The following GPHN variants were observed in gnomAD, a reference collection of about 807,000 sequenced individuals.
The protein encoded by GPHN is gephyrin.
A neutral mutation model predicts 95.5 loss-of-function variants in GPHN; 17 were observed. The ratio of observed to expected loss-of-function variants is 0.18; its 90% CI spans 0.12 to 0.27. The LOEUF (loss-of-function observed/expected upper bound fraction) is 0.27, where lower values mean the gene tolerates loss of function less well. Ranked by LOEUF, GPHN falls within the 10% of genes least tolerant of loss-of-function variation. GPHN has a pLI of 1.00. For synonymous variants in GPHN, 320 were observed against 322.5 expected (o/e 0.99, Z 0.08); for missense variants, 660 against 978.1 (o/e 0.67, Z 4.34).
chr14:66,546,348 T>C (rs546377411), intron 1 of GPHN, among the ~76,000 whole-genome samples: 76 of 151,922 alleles, frequency 5.0e-4, no homozygotes, highest in Non-Finnish European at 8.7e-4. Context: ...GCAGAGAGGC[T>C]CCTCACTTCC....
chr14:67,714,149 C>T, the GPHN span, among the ~76,000 whole-genome samples: 1 of 152,068 alleles, frequency 6.6e-6, no homozygotes, highest in Non-Finnish European at 1.5e-5. Flanking sequence ...TCTTGCTTTA[C>T]TTTTGAGACA....
the GPHN span, among the ~76,000 whole-genome samples, chr14:67,259,743 A>G: frequency 1.3e-5 from 2 of 152,032 alleles, no homozygotes; most frequent in African/African-American, 4.8e-5. Flanking sequence ...GACTCCATCT[A>G]TACAAAAAAT....
At chr14:67,500,735 C>A in the GPHN span, among the ~76,000 whole-genome samples, 1 of 151,716 alleles carries the variant, frequency 6.6e-6, no homozygotes, top group South Asian at 2.1e-4. Context: ...CCACGCCCGG[C>A]TAATTTTTTG....
chr14:67,695,094 CCAAA>C, the GPHN span, among the ~76,000 whole-genome samples: 3 of 152,184 alleles, frequency 2.0e-5, no homozygotes. Flanking sequence ...GAGCTCATAA[CCAAA>C]CACTCTTCCT....
chr14:67,547,697 ACCTG>A, the GPHN span, among the ~76,000 whole-genome samples: 6 of 152,258 alleles, frequency 3.9e-5, no homozygotes, highest in South Asian at 1.2e-3. Context: ...TTAGGATCAG[ACCTG>A]CCTGTGGGCT....
chr14:67,620,704 G>T, the GPHN span, among the ~76,000 whole-genome samples: 1 of 152,112 alleles, frequency 6.6e-6, no homozygotes, highest in Admixed American at 6.5e-5. Flanking sequence ...TCCTAACCTG[G>T]CTCAGCCTCT....
the GPHN span, among the ~76,000 whole-genome samples, chr14:67,388,524 A>G: frequency 6.6e-6 from 1 of 152,198 alleles, no homozygotes; most frequent in African/African-American, 2.4e-5. Context: ...TCAATGTTGC[A>G]GTTACCAAGT....
chr14:67,196,119 T>G, the GPHN span, among the ~76,000 whole-genome samples: 153 of 152,312 alleles, frequency 1.0e-3, 1 homozygote, highest in South Asian at 0.014. Context: ...CTCTGTGCAT[T>G]TCTTAAAGGG....
At chr14:66,715,816 A>T (rs1303949766) in intron 2 of GPHN, among the ~76,000 whole-genome samples, 1 of 152,018 alleles carries the variant, frequency 6.6e-6, no homozygotes, top group South Asian at 2.1e-4. Flanking sequence ...GTTGATTTCC[A>T]GTTTTATTCT....
At chr14:67,361,298 A>G in the GPHN span, among the ~76,000 whole-genome samples, 1 of 152,250 alleles carries the variant, frequency 6.6e-6, no homozygotes, top group Non-Finnish European at 1.5e-5. Context: ...TTATTCAAGG[A>G]ACAATCTCTG....
At chr14:67,412,143 C>T in the GPHN span, 1 of 1,242,704 alleles carries the variant, frequency 8.0e-7, no homozygotes, top group Middle Eastern at 2.1e-4. Flanking sequence ...CCGCGCAGTC[C>T]GCGCCCACGG....
At chr14:66,754,872 A>G (rs186394669) in intron 2 of GPHN, among the ~76,000 whole-genome samples, 14 of 152,056 alleles carry the variant, frequency 9.2e-5, no homozygotes, top group Admixed American at 7.2e-4. Flanking sequence ...GGTGTTTTAT[A>G]TTTGTTTTTC....
chr14:67,214,741 A>C, the GPHN span, among the ~76,000 whole-genome samples: 3 of 152,108 alleles, frequency 2.0e-5, no homozygotes, highest in Non-Finnish European at 4.4e-5. Context: ...CATTGAATCT[A>C]TAAATTACCT....
chr14:66,722,523 A>G (rs915930555), intron 2 of GPHN, among the ~76,000 whole-genome samples: 1 of 152,132 alleles, frequency 6.6e-6, no homozygotes, highest in Non-Finnish European at 1.5e-5. Flanking sequence ...AGCTCACTGC[A>G]GCCTCAAACT....
the GPHN span, among the ~76,000 whole-genome samples, chr14:67,506,659 A>T: frequency 6.6e-6 from 1 of 152,152 alleles, no homozygotes; most frequent in East Asian, 1.9e-4. Context: ...ATGAAAATAG[A>T]AGGAATGAAA....
At chr14:67,268,636 G>A in the GPHN span, among the ~76,000 whole-genome samples, 2 of 152,142 alleles carry the variant, frequency 1.3e-5, no homozygotes, top group African/African-American at 2.4e-5. Context: ...AAACTGTCAC[G>A]GCACTGGCAG....
chr14:67,204,631 C>T, the GPHN span: 1 of 1,613,860 alleles, frequency 6.2e-7, no homozygotes, highest in Non-Finnish European at 8.5e-7. Context: ...CTACTACTTA[C>T]AGCTCTGCAC....
chr14:67,631,885 A>G, the GPHN span, among the ~76,000 whole-genome samples: 1 of 150,562 alleles, frequency 6.6e-6, no homozygotes, highest in Admixed American at 6.6e-5. Flanking sequence ...TTTTTTTAAA[A>G]ATTTTTTGAG....
chr14:67,284,703 T>A, the GPHN span, among the ~76,000 whole-genome samples: 1 of 151,838 alleles, frequency 6.6e-6, no homozygotes, highest in African/African-American at 2.4e-5. Flanking sequence ...CTTTTTGGAT[T>A]TGCTTATTCT....
Sources: allele counts gnomAD v4.1 joint callset (sites outside exome capture counted in the v4.1 genomes callset), GRCh38; gene constraint gnomAD v4.1.1; transcripts MANE v1.5; gene names NCBI Gene and HGNC (gene_info 2026-07-23, HGNC 2026-07-21).